Variants in ADAMTSL1 observed in about 807,000 individuals in gnomAD.
ADAMTSL1 encodes ADAMTS like 1.
ADAMTSL1 carries 126 observed loss-of-function variants against 201.8 expected under a neutral mutation model. The ratio of observed to expected loss-of-function variants is 0.62; its 90% confidence interval spans 0.54 to 0.72. The LOEUF is 0.72. ADAMTSL1 is among the 30% of genes least tolerant of loss of function. The probability of loss-of-function intolerance (pLI) is 0.00; values close to 1 mark genes in which losing one functional copy is unlikely to be tolerated. For synonymous variants in ADAMTSL1, 1,121 were observed against 903.4 expected (o/e 1.24, Z -4.32); for missense variants, 2,679 against 2,277.8 (o/e 1.18, Z -3.59).
chr9:18,861,820 C>T lies in ADAMTSL1; in HGVS notation c.4250-26011C>T, dbSNP rs149779728. ...GAGCCAGCCAGATCCTTTCAGACAC[C>T]TCTGTCCTTACTCCTCCTCCTGCTC... is the stretch of plus-strand genomic sequence containing the variant. On this transcript the variant is annotated intron_variant, in intron 23 of 28. Transcript: ENST00000380548. 4.1e-3 allele frequency among the ~76,000 whole-genome samples: 632 copies of T among 152,290 alleles called. 7 individuals are homozygous for T. Among genetic ancestry groups the T allele is most frequent in the African/African-American group, 0.014 (598 of 41,554 alleles).
intron 2 of ADAMTSL1, among the ~76,000 whole-genome samples, chr9:18,180,803 A>G (rs1828433353): frequency 6.6e-6 from 1 of 152,152 alleles, no homozygotes. Flanking sequence ...TTCATATGGA[A>G]CCAAACAAGA....
chr9:17,931,840 G>A (rs1477274731), intron 1 of ADAMTSL1, among the ~76,000 whole-genome samples: 2 of 152,096 alleles, frequency 1.3e-5, no homozygotes. Flanking sequence ...GACAATGATG[G>A]AGCTCCCAAA....
At chr9:18,039,760 G>A (rs1821357694) in intron 1 of ADAMTSL1, among the ~76,000 whole-genome samples, 1 of 152,100 alleles carries the variant, frequency 6.6e-6, no homozygotes, top group Non-Finnish European at 1.5e-5. Flanking sequence ...TAGATCAAAT[G>A]GTGGTATTAA....
chr9:18,402,384 A>G (rs1818019714), intron 2 of ADAMTSL1, among the ~76,000 whole-genome samples: 1 of 152,192 alleles, frequency 6.6e-6, no homozygotes, highest in Non-Finnish European at 1.5e-5. Context: ...GTGTGCTCTC[A>G]TCTTTAAATG....
intron 20 of ADAMTSL1, among the ~76,000 whole-genome samples, chr9:18,798,240 G>T (rs985986813): frequency 2.0e-5 from 3 of 152,166 alleles, no homozygotes; most frequent in African/African-American, 7.2e-5. Flanking sequence ...AGCAGGCATA[G>T]CATGGCAGTT....
intron 2 of ADAMTSL1, among the ~76,000 whole-genome samples, chr9:18,174,347 G>A (rs1183405129): frequency 6.6e-6 from 1 of 152,106 alleles, no homozygotes; most frequent in Non-Finnish European, 1.5e-5. Flanking sequence ...GTAGTTGAAG[G>A]CAGTTGAAAA....
intron 2 of ADAMTSL1, among the ~76,000 whole-genome samples, chr9:18,188,995 T>C (rs1828858799): frequency 6.6e-6 from 1 of 152,224 alleles, no homozygotes; most frequent in African/African-American, 2.4e-5. Flanking sequence ...TTGTGCTCTT[T>C]ATCGCTGTAC....
chr9:18,049,934 T>C (rs1408806079), intron 1 of ADAMTSL1, among the ~76,000 whole-genome samples: 2 of 152,082 alleles, frequency 1.3e-5, no homozygotes, highest in East Asian at 3.9e-4. Context: ...GGACTTCTGA[T>C]TCTGTGGGAT....
At chr9:18,863,814 C>T (rs1013234375) in intron 23 of ADAMTSL1, among the ~76,000 whole-genome samples, 2 of 152,168 alleles carry the variant, frequency 1.3e-5, no homozygotes, top group African/African-American at 2.4e-5. Context: ...GGCCCGTACA[C>T]ACCACATACC....
intron 1 of ADAMTSL1, among the ~76,000 whole-genome samples, chr9:17,990,475 C>T (rs1819108030): frequency 6.6e-6 from 1 of 151,958 alleles, no homozygotes; most frequent in Non-Finnish European, 1.5e-5. Flanking sequence ...AACTATTACT[C>T]CACAATAGGA....
intron 2 of ADAMTSL1, among the ~76,000 whole-genome samples, chr9:18,301,075 T>A (rs1833692565): frequency 6.6e-6 from 1 of 152,162 alleles, no homozygotes; most frequent in Non-Finnish European, 1.5e-5. Flanking sequence ...ATAGCCATAA[T>A]AATGAAGCAC....
intron 4 of ADAMTSL1, among the ~76,000 whole-genome samples, chr9:18,592,624 T>G (rs10963656): frequency 0.086 from 13,048 of 152,224 alleles, 603 homozygotes; most frequent in East Asian, 0.11. Flanking sequence ...CGTTACTATA[T>G]CTCTGTAGTA....
intron 23 of ADAMTSL1, among the ~76,000 whole-genome samples, chr9:18,835,249 T>G (rs1369882745): frequency 6.6e-6 from 1 of 152,176 alleles, no homozygotes; most frequent in Non-Finnish European, 1.5e-5. Context: ...ATGTGTTTAT[T>G]TGCCATCCTG....
At chr9:18,600,604 G>T (rs1256803798) in intron 4 of ADAMTSL1, among the ~76,000 whole-genome samples, 9 of 152,140 alleles carry the variant, frequency 5.9e-5, no homozygotes, top group Admixed American at 5.2e-4. Context: ...GAGAAGTTCT[G>T]ATTATCACTG....
chr9:18,391,853 C>G (rs188713489), intron 2 of ADAMTSL1, among the ~76,000 whole-genome samples: 29 of 138,442 alleles, frequency 2.1e-4, no homozygotes, highest in Admixed American at 7.0e-4. Context: ...GAGATGGAGC[C>G]TCGCTCTGCA....
chr9:18,881,306 T>TAATC (rs1828520726), intron 23 of ADAMTSL1, among the ~76,000 whole-genome samples: 1 of 152,258 alleles, frequency 6.6e-6, no homozygotes, highest in Non-Finnish European at 1.5e-5. Flanking sequence ...CCACTAAGCT[T>TAATC]AATCATTTCT....
At chr9:18,905,531 T>C (rs1017680282) in intron 26 of ADAMTSL1, 5 of 498,818 alleles carry the variant, frequency 1.0e-5, no homozygotes, top group Non-Finnish European at 1.8e-5. Flanking sequence ...CTTGACGTTC[T>C]CTTACTGGTT....
At position 18,310,002 on chromosome 9, in the gene ADAMTSL1, G is replaced by A. The variant is rs569098844; in HGVS notation, c.207+146021G>A. 2.0e-5 allele frequency among the ~76,000 whole-genome samples: 3 copies of A among 152,124 alleles called. No homozygotes were observed. The South Asian group carries it at 6.3e-4, about 32-fold the overall frequency. On this transcript the variant is annotated intron_variant, in intron 2 of 29. Coordinates refer to the ADAMTSL1 transcript ENST00000680146. ...ACCAAAACAGATGTATAGTCCAATG[G>A]AACTGAACAGAGGCCTCAGAAATAC...
chr9:18,787,243 C>G (rs1261743101), intron 19 of ADAMTSL1, among the ~76,000 whole-genome samples: 1 of 152,006 alleles, frequency 6.6e-6, no homozygotes, highest in African/African-American at 2.4e-5. Context: ...GAATAGCAAG[C>G]CAGAGAAAAA....
Sources: gnomAD v4.1 joint callset for allele counts (sites outside exome capture counted in the v4.1 genomes callset) on GRCh38, gnomAD v4.1.1 for gene constraint, MANE v1.5 for transcripts, NCBI Gene and HGNC (gene_info 2026-07-23, HGNC 2026-07-21) for gene names.